SNX29: variants seen among roughly 807,000 people sequenced by gnomAD.
The protein encoded by SNX29 is sorting nexin-29.
Under a neutral mutation model 102.1 loss-of-function variants are expected in SNX29, and 78 were observed. The ratio of observed to expected loss-of-function variants is 0.76; its 90% CI spans 0.64 to 0.92. SNX29 has a LOEUF of 0.92. SNX29 is among the 40% of genes least tolerant of loss of function. The probability of loss-of-function intolerance (pLI) is 0.00; values close to 1 mark genes in which losing one functional copy is unlikely to be tolerated. For missense variants in SNX29, 1,280 were observed against 1,061.7 expected (o/e 1.21, Z -2.86); for synonymous variants, 580 against 414.5 (o/e 1.40, Z -4.85).
intron 13 of SNX29, among the ~76,000 whole-genome samples, chr16:12,139,621 C>T (rs996990249): frequency 6.6e-6 from 1 of 152,142 alleles, no homozygotes; most frequent in Admixed American, 6.5e-5. Flanking sequence ...GGTCGTTTGC[C>T]CCAAGATGTA....
chr16:12,242,709 A>G (rs1252702160), intron 14 of SNX29, among the ~76,000 whole-genome samples: 2 of 149,744 alleles, frequency 1.3e-5, no homozygotes, highest in African/African-American at 4.9e-5. Flanking sequence ...GCTGGAGTAC[A>G]ATGACGCAAT....
chr16:12,539,621 T>G (rs942791882), intron 20 of SNX29, among the ~76,000 whole-genome samples: 2 of 152,186 alleles, frequency 1.3e-5, no homozygotes, highest in Non-Finnish European at 2.9e-5. Context: ...GAGGACTGGA[T>G]CCTATGCTAA....
intron 11 of SNX29, among the ~76,000 whole-genome samples, chr16:12,099,061 C>T (rs1190101558): frequency 1.3e-5 from 2 of 152,146 alleles, no homozygotes; most frequent in South Asian, 4.1e-4. Context: ...TGGCTCCCCT[C>T]CAGCACAGAG....
chr16:12,439,332 G>T (rs1353267604), intron 18 of SNX29, among the ~76,000 whole-genome samples: 3 of 152,206 alleles, frequency 2.0e-5, no homozygotes, highest in Non-Finnish European at 4.4e-5. Flanking sequence ...GGAGTAGTGG[G>T]TCCTGATTTT....
intron 14 of SNX29, among the ~76,000 whole-genome samples, chr16:12,233,195 C>A (rs143431862): frequency 6.6e-5 from 10 of 152,266 alleles, no homozygotes; most frequent in African/African-American, 2.2e-4. Flanking sequence ...GTCCAGGTAC[C>A]CATCAATGGT....
At chr16:12,253,120 C>T (rs1406998535) in intron 14 of SNX29, among the ~76,000 whole-genome samples, 2 of 152,314 alleles carry the variant, frequency 1.3e-5, no homozygotes, top group African/African-American at 2.4e-5. Flanking sequence ...CCCTAACCCT[C>T]CTGCCCCTCA....
intron 20 of SNX29, among the ~76,000 whole-genome samples, chr16:12,564,848 C>T (rs974471615): frequency 6.7e-6 from 1 of 149,536 alleles, no homozygotes; most frequent in African/African-American, 2.5e-5. Context: ...CGGCAGCTAA[C>T]AAGGGCTATG....
At chr16:12,565,848 C>T (rs149729702) in intron 20 of SNX29, among the ~76,000 whole-genome samples, 29 of 152,320 alleles carry the variant, frequency 1.9e-4, no homozygotes, top group Non-Finnish European at 2.2e-4. Flanking sequence ...CTGCCTCCTC[C>T]GGGAAGCCCT....
At chr16:12,002,065 G>C (rs1304358648) in intron 2 of SNX29, among the ~76,000 whole-genome samples, 1 of 149,724 alleles carries the variant, frequency 6.7e-6, no homozygotes, top group Non-Finnish European at 1.5e-5. Flanking sequence ...GGTGATGATT[G>C]CTTAACATTG....
chr16:12,151,601 T>G (rs974684836), intron 13 of SNX29, among the ~76,000 whole-genome samples: 2 of 152,240 alleles, frequency 1.3e-5, no homozygotes, highest in Non-Finnish European at 2.9e-5. Context: ...TCTTCAGATC[T>G]TTGCAGGACG....
At chr16:12,328,390 A>C (rs75742021) in intron 15 of SNX29, among the ~76,000 whole-genome samples, 2,921 of 152,346 alleles carry the variant, frequency 0.019, 42 homozygotes, top group Middle Eastern at 0.068. Context: ...ATTCTTCTAC[A>C]AGCCAAACAG....
chr16:12,432,952 G>T (rs113628113), intron 18 of SNX29, among the ~76,000 whole-genome samples: 3,561 of 152,356 alleles, frequency 0.023, 145 homozygotes, highest in African/African-American at 0.082. Flanking sequence ...GCATGGGGTA[G>T]TGTGATGCCG....
intron 14 of SNX29, among the ~76,000 whole-genome samples, chr16:12,218,181 TA>T (rs754656440): frequency 1.6e-4 from 25 of 152,254 alleles, no homozygotes; most frequent in Non-Finnish European, 3.2e-4. Flanking sequence ...ATTTTTTAAA[TA>T]ATTTAATACT....
At chr16:12,329,152 C>G (rs770657874) in intron 15 of SNX29, among the ~76,000 whole-genome samples, 2 of 151,492 alleles carry the variant, frequency 1.3e-5, no homozygotes, top group African/African-American at 2.4e-5. Context: ...TGGTGCGTAC[C>G]TGTGGTCCCA....
intron 11 of SNX29, among the ~76,000 whole-genome samples, chr16:12,101,369 G>C (rs1407951438): frequency 7.7e-6 from 1 of 130,528 alleles, no homozygotes; most frequent in African/African-American, 3.1e-5. Flanking sequence ...CCTACTAAAT[G>C]GTTGACCCCC....
intron 11 of SNX29, among the ~76,000 whole-genome samples, chr16:12,100,810 G>A (rs951222852): frequency 1.3e-5 from 2 of 152,060 alleles, no homozygotes; most frequent in African/African-American, 4.8e-5. Flanking sequence ...AGCAGAGGTG[G>A]TGAGACAGGT....
At chr16:12,197,114 C>T (rs1490628787) in intron 13 of SNX29, among the ~76,000 whole-genome samples, 1 of 152,210 alleles carries the variant, frequency 6.6e-6, no homozygotes, top group Non-Finnish European at 1.5e-5. Context: ...TTCTGTTGGT[C>T]ATGCGGCCTC....
intron 19 of SNX29, among the ~76,000 whole-genome samples, chr16:12,518,886 C>G (rs2089982504): frequency 6.6e-6 from 1 of 152,190 alleles, no homozygotes; most frequent in Non-Finnish European, 1.5e-5. Context: ...CTGACAGCCT[C>G]AGGGAATGTC....
intron 19 of SNX29, among the ~76,000 whole-genome samples, chr16:12,483,114 G>GGTTTTTTTT (rs1555549921): frequency 1.5e-5 from 1 of 66,196 alleles, no homozygotes. Context: ...AAGTTATTAA[G>GGTTTTTTTT]TTTTTTTTTT....
Sources: gnomAD v4.1 joint callset for allele counts (sites outside exome capture counted in the v4.1 genomes callset) on GRCh38, gnomAD v4.1.1 for gene constraint, MANE v1.5 for transcripts, NCBI Gene and HGNC (gene_info 2026-07-23, HGNC 2026-07-21) for gene names.